The following CDKL5 variants were observed in gnomAD, a reference collection of about 807,000 sequenced individuals.
CDKL5 encodes cyclin-dependent kinase-like 5.
A neutral mutation model predicts 61.7 loss-of-function variants in CDKL5; 8 were observed. The observed-to-expected ratio is 0.13, with a 90% CI of 0.08 to 0.23. The LOEUF (loss-of-function observed/expected upper bound fraction) is 0.23, where lower values mean the gene tolerates loss of function less well. Among genes scored for constraint, CDKL5 ranks in the 10% least tolerant of loss-of-function variants. CDKL5 has a pLI of 1.00. For missense variants in CDKL5, 440 were observed against 734.5 expected (o/e 0.60, Z 4.63); for synonymous variants, 275 against 272.3 (o/e 1.01, Z -0.10).
At chrX:18,645,920 G>A (rs1927751712) in intron 19 of CDKL5, 1 of 1,195,289 alleles carries the variant, frequency 8.4e-7, no homozygotes, top group Admixed American at 2.2e-5. Context: ...ATGGGATGTG[G>A]GCAGAAGTGG....
intron 1 of CDKL5, among the ~76,000 whole-genome samples, chrX:18,463,029 T>TA (rs1441414721): frequency 2.8e-5 from 3 of 108,950 alleles, no homozygotes; most frequent in Non-Finnish European, 5.7e-5. Context: ...GTCTCAAAAA[T>TA]AAAAAATAAA....
chrX:18,447,169 G>A (rs1177818488), intron 1 of CDKL5, among the ~76,000 whole-genome samples: 2 of 111,202 alleles, frequency 1.8e-5, no homozygotes, highest in African/African-American at 6.5e-5. Context: ...AACGGGTAGA[G>A]GCGTGTAGAT....
chrX:18,508,895 C>G (rs751178610), intron 2 of CDKL5, among the ~76,000 whole-genome samples: 2 of 109,709 alleles, frequency 1.8e-5, no homozygotes, highest in East Asian at 5.7e-4. Context: ...GAGATCCAGA[C>G]CATCTTGGCC....
intron 9 of CDKL5, chrX:18,589,486 C>A (rs1484140381): frequency 9.0e-6 from 1 of 111,029 alleles, no homozygotes; most frequent in Non-Finnish European, 1.9e-5. Flanking sequence ...TTTTTTATGG[C>A]TGCATAGTAT....
chrX:18,456,852 C>G (rs943086094), intron 1 of CDKL5, among the ~76,000 whole-genome samples: 2 of 111,192 alleles, frequency 1.8e-5, no homozygotes, highest in Non-Finnish European at 3.8e-5. Flanking sequence ...GGCCATTTTC[C>G]TCTTCTTTCT....
intron 1 of CDKL5, among the ~76,000 whole-genome samples, chrX:18,446,463 A>G (rs909304104): frequency 8.9e-6 from 1 of 112,280 alleles, no homozygotes; most frequent in Admixed American, 9.5e-5. Context: ...CATTGATTGT[A>G]TAGAACACAG....
chrX:18,488,411 T>C (rs183409261), intron 1 of CDKL5, among the ~76,000 whole-genome samples: 6 of 112,044 alleles, frequency 5.4e-5, no homozygotes, highest in Non-Finnish European at 9.4e-5. Flanking sequence ...TGTTGTATTA[T>C]ACTAGTACTA....
At chrX:18,653,583 A>G in exon 22 of CDKL5, 1 of 1,191,677 alleles carries the variant, frequency 8.4e-7, no homozygotes, top group Non-Finnish European at 1.1e-6. Flanking sequence ...GCCCTGAATC[A>G]CCTCTCTCAT....
intron 3 of CDKL5, among the ~76,000 whole-genome samples, chrX:18,551,330 G>A (rs1278236663): frequency 1.8e-5 from 2 of 109,273 alleles, no homozygotes; most frequent in Non-Finnish European, 3.8e-5. Flanking sequence ...AGCCCTCTTA[G>A]TTCATTCTTT....
At chrX:18,460,101 A>T (rs774809586) in intron 1 of CDKL5, among the ~76,000 whole-genome samples, 11 of 110,781 alleles carry the variant, frequency 9.9e-5, no homozygotes, top group African/African-American at 3.6e-4. Context: ...GGGCTTCACC[A>T]TGTTGGCCAG....
In CDKL5 at chrX:18,633,579, T is replaced by C. The variant is rs1927292323; in HGVS notation, c.*4822T>C. The stretch of plus-strand genomic sequence containing the variant: ...GGTTCAGCTGATGAAAAATTCTGTC[T>C]CAGAAACGATGAGTAAGAAACCATA... On this transcript the variant is annotated 3_prime_UTR_variant, in exon 18 of 18. Coordinates refer to ENST00000623535, the MANE Select transcript of CDKL5 (RefSeq NM_001323289.2). 1.3e-6 allele frequency: 1 copy of C among 753,488 alleles called. No homozygotes were observed. Among genetic ancestry groups the C allele is most frequent in the Non-Finnish European group, 1.6e-6 (1 of 639,284 alleles). 62.1% of individuals were successfully genotyped at this position (753,488 alleles called of 1,213,427 possible).
rs562035008 is a variant in CDKL5 at position 18,585,962 on chromosome X, A to G, written c.554+1609A>G. ...TGATGACGACATGTTTAAGTTACTCACTGAGGGTTTATTTTGATATTAACT... is the reference window on the plus strand; with the variant it reads ...TGATGACGACATGTTTAAGTTACTCGCTGAGGGTTTATTTTGATATTAACT... On this transcript the variant is annotated intron_variant, in intron 8 of 17. Coordinates refer to ENST00000623535, the MANE Select transcript of CDKL5 (RefSeq NM_001323289.2). Among the ~76,000 whole-genome samples the G allele has an allele frequency of 3.6e-5, 4 of 111,584 alleles. No homozygotes were observed. In the South Asian group the frequency reaches 1.5e-3, roughly 42 times the overall value.
intron 3 of CDKL5, among the ~76,000 whole-genome samples, chrX:18,560,723 A>G (rs1211121609): frequency 3.6e-5 from 4 of 110,943 alleles, no homozygotes; most frequent in Non-Finnish European, 7.6e-5. Flanking sequence ...TAAGGTTGCT[A>G]TAAGAAGACT....
intron 3 of CDKL5, among the ~76,000 whole-genome samples, chrX:18,513,238 C>T (rs888899318): frequency 2.7e-5 from 3 of 111,136 alleles, no homozygotes; most frequent in African/African-American, 9.8e-5. Context: ...TTTCTATTTA[C>T]TCATTTGTTA....
chrX:18,554,701 C>A (rs936862977), intron 3 of CDKL5, among the ~76,000 whole-genome samples: 1 of 111,331 alleles, frequency 9.0e-6, no homozygotes, highest in Non-Finnish European at 1.9e-5. Flanking sequence ...CAGGCATGAG[C>A]CACTGCGCCT....
chrX:18,446,368 AAAAC>A (rs1430091483), intron 1 of CDKL5, among the ~76,000 whole-genome samples: 3 of 110,213 alleles, frequency 2.7e-5, no homozygotes, highest in African/African-American at 9.9e-5. Context: ...AAAAAACAAA[AAAAC>A]AAAAAAACAA....
At chrX:18,564,043 T>A (rs1569210454) in intron 3 of CDKL5, among the ~76,000 whole-genome samples, 1 of 111,710 alleles carries the variant, frequency 9.0e-6, no homozygotes. Flanking sequence ...TTAGATATGC[T>A]TGTTAGCATT....
Position 18,630,117 on chromosome X carries a change from A to T in CDKL5, c.*1360A>T. 1.3e-6 allele frequency: 1 copy of T among 753,963 alleles called. No individual in the cohort carries two copies. The highest frequency in any genetic ancestry group is 1.5e-4 in the East Asian group (1 of 6,655). The allele number at this position is 753,963 out of a possible 1,213,427, so 62.1% of individuals were successfully genotyped here. ...GCTCCTGGAGCAATTCCAGATAGAT[A>T]AAAAATTACTCTATCCATTTTTTTC... is the stretch of plus-strand genomic sequence containing the variant. On this transcript the variant is annotated 3_prime_UTR_variant, in exon 18 of 18. Coordinates refer to ENST00000623535, the MANE Select transcript of CDKL5 (RefSeq NM_001323289.2).
chrX:18,578,626 T>C (rs1486355276), intron 5 of CDKL5, among the ~76,000 whole-genome samples: 1 of 112,595 alleles, frequency 8.9e-6, no homozygotes, highest in Non-Finnish European at 1.9e-5. Flanking sequence ...TAGATAAGTT[T>C]GTATGTCAGT....
Sources: gnomAD v4.1 joint callset for allele counts (sites outside exome capture counted in the v4.1 genomes callset) on GRCh38, gnomAD v4.1.1 for gene constraint, MANE v1.5 for transcripts, NCBI Gene and HGNC (gene_info 2026-07-23, HGNC 2026-07-21) for gene names.